STXBP5L: variants seen among roughly 807,000 people sequenced by gnomAD.
STXBP5L encodes the protein syntaxin binding protein 5L, also known as syntaxin-binding protein 5-like.
A neutral mutation model predicts 144.5 loss-of-function variants in STXBP5L; 65 were observed. The ratio of observed to expected loss-of-function variants is 0.45; its 90% CI spans 0.37 to 0.55. The LOEUF (loss-of-function observed/expected upper bound fraction) is 0.55. Among genes scored for constraint, STXBP5L ranks in the 20% least tolerant of loss-of-function variants. STXBP5L has a pLI of 0.00. For missense variants in STXBP5L, 1,298 were observed against 1,405.5 expected, an observed-to-expected ratio of 0.92 and a Z score of 1.22; for synonymous variants, 505 against 469.6, an observed-to-expected ratio of 1.08 and a Z score of -0.97.
intron 19 of STXBP5L, among the ~76,000 whole-genome samples, chr3:121,313,035 G>A (rs1268600118): frequency 6.6e-5 from 10 of 151,478 alleles, no homozygotes; most frequent in Non-Finnish European, 1.0e-4. Flanking sequence ...CAGTAGGGGC[G>A]GCCGGGCAGA....
At chr3:121,159,348 A>G (rs1429824772) in intron 9 of STXBP5L, among the ~76,000 whole-genome samples, 1 of 151,970 alleles carries the variant, frequency 6.6e-6, no homozygotes, top group African/African-American at 2.4e-5. Flanking sequence ...TATTATTATT[A>G]ATAAAAGATG....
chr3:120,972,747 T>A (rs1181376544), intron 3 of STXBP5L, among the ~76,000 whole-genome samples: 1 of 152,146 alleles, frequency 6.6e-6, no homozygotes, highest in Non-Finnish European at 1.5e-5. Flanking sequence ...GCTCCTTGTA[T>A]GCCTAGTTTG....
At chr3:120,972,672 C>A (rs2107802906) in intron 3 of STXBP5L, among the ~76,000 whole-genome samples, 1 of 152,126 alleles carries the variant, frequency 6.6e-6, no homozygotes, top group South Asian at 2.1e-4. Context: ...GCTTTCAACT[C>A]TACCTCATTG....
chr3:121,093,683 C>G (rs903536080), intron 5 of STXBP5L, among the ~76,000 whole-genome samples: 8 of 152,030 alleles, frequency 5.3e-5, no homozygotes, highest in Non-Finnish European at 1.0e-4. Context: ...ATTAGTCTTG[C>G]TAGCCGTCTA....
intron 7 of STXBP5L, among the ~76,000 whole-genome samples, chr3:121,144,146 A>AG (rs1296783427): frequency 6.6e-6 from 1 of 151,504 alleles, no homozygotes; most frequent in East Asian, 1.9e-4. Context: ...TAGTAAAAAA[A>AG]AAAAAAAAAA....
At chr3:121,390,168 G>A (rs561190471) in intron 22 of STXBP5L, among the ~76,000 whole-genome samples, 1 of 152,216 alleles carries the variant, frequency 6.6e-6, no homozygotes, top group South Asian at 2.1e-4. Context: ...TTTGACCTTT[G>A]TTAGTATAAA....
chr3:121,150,527 G>A (rs1190082257), intron 7 of STXBP5L, among the ~76,000 whole-genome samples: 1 of 151,826 alleles, frequency 6.6e-6, no homozygotes, highest in East Asian at 1.9e-4. Flanking sequence ...AGTTTATGGT[G>A]TTTTTGAGGT....
chr3:120,925,513 A>G (rs1446368678), intron 2 of STXBP5L, among the ~76,000 whole-genome samples: 1 of 152,090 alleles, frequency 6.6e-6, no homozygotes, highest in African/African-American at 2.4e-5. Context: ...TGCATGGAAT[A>G]TCTTTTTCCA....
intron 20 of STXBP5L, among the ~76,000 whole-genome samples, chr3:121,328,860 C>T (rs2044234923): frequency 6.6e-6 from 1 of 152,010 alleles, no homozygotes; most frequent in Non-Finnish European, 1.5e-5. Flanking sequence ...AAAAATGCAT[C>T]TAACCTCTCC....
intron 2 of STXBP5L, among the ~76,000 whole-genome samples, chr3:120,938,905 C>T (rs1024342758): frequency 6.6e-6 from 1 of 152,076 alleles, no homozygotes; most frequent in Non-Finnish European, 1.5e-5. Flanking sequence ...CTCATCCTTC[C>T]CAAGTAGCTG....
chr3:121,171,495 CAACTT>C (rs1465281445), intron 9 of STXBP5L, among the ~76,000 whole-genome samples: 1 of 152,156 alleles, frequency 6.6e-6, no homozygotes, highest in Non-Finnish European at 1.5e-5. Context: ...AGCTGATAAG[CAACTT>C]AAGCAAAGTC....
chr3:121,305,155 T>G (rs1177341525), intron 19 of STXBP5L, among the ~76,000 whole-genome samples: 1 of 152,144 alleles, frequency 6.6e-6, no homozygotes, highest in African/African-American at 2.4e-5. Context: ...ATCATTAACA[T>G]TTTTTAATTC....
Position 121,191,656 on chromosome 3 carries a change from C to A in STXBP5L, c.878-14267C>A, listed in dbSNP as rs191250206. 1.0e-3 allele frequency among the ~76,000 whole-genome samples: 155 copies of A among 152,094 alleles called. 1 individual carries two copies. The highest frequency in any genetic ancestry group is 1.2e-4 in the Non-Finnish European group (8 of 68,004). On this transcript the variant is annotated intron_variant, in intron 9 of 26. Coordinates refer to ENST00000471454, the MANE Select transcript of STXBP5L (RefSeq NM_001308330.2). ...TTTCACAATATTGATTCTTCCTATC[C>A]GTGAGCATGGAATGTTCTTCCATTT...
chr3:121,150,881 A>G (rs575105600), intron 7 of STXBP5L, among the ~76,000 whole-genome samples: 1 of 152,190 alleles, frequency 6.6e-6, no homozygotes, highest in East Asian at 1.9e-4. Flanking sequence ...TGAGGTCAGG[A>G]GTTCGAAACC....
intron 2 of STXBP5L, among the ~76,000 whole-genome samples, chr3:120,941,763 G>A (rs996486547): frequency 2.6e-5 from 4 of 151,622 alleles, no homozygotes; most frequent in African/African-American, 9.7e-5. Context: ...TCAGTGAAGG[G>A]GGCAAATGGA....
intron 3 of STXBP5L, among the ~76,000 whole-genome samples, chr3:120,986,353 A>G (rs1021965466): frequency 2.0e-5 from 3 of 151,858 alleles, no homozygotes; most frequent in African/African-American, 4.8e-5. Context: ...TGTATATGCT[A>G]TGGTTTGGTC....
chr3:121,340,867 A>G (rs2044685094), intron 20 of STXBP5L, among the ~76,000 whole-genome samples: 2 of 149,820 alleles, frequency 1.3e-5, no homozygotes, highest in Non-Finnish European at 2.9e-5. Flanking sequence ...AGACAAAGTT[A>G]AAGTGTAGAG....
intron 20 of STXBP5L, among the ~76,000 whole-genome samples, chr3:121,332,426 C>T (rs1215826738): frequency 7.3e-6 from 1 of 137,234 alleles, no homozygotes; most frequent in Non-Finnish European, 1.6e-5. Context: ...AAAAAAAAAC[C>T]AGAACTTCTG....
intron 20 of STXBP5L, among the ~76,000 whole-genome samples, chr3:121,320,762 C>T (rs1045428005): frequency 3.8e-4 from 56 of 149,070 alleles, no homozygotes; most frequent in African/African-American, 1.2e-3. Flanking sequence ...AGTGCAGTGG[C>T]GCAATCTCAG....
Sources: allele counts gnomAD v4.1 joint callset (sites outside exome capture counted in the v4.1 genomes callset), GRCh38; gene constraint gnomAD v4.1.1; transcripts MANE v1.5; gene names NCBI Gene and HGNC (gene_info 2026-07-23, HGNC 2026-07-21).